Variants in RAPH1 observed in about 807,000 individuals in gnomAD.
The protein encoded by RAPH1 is Ras association (RalGDS/AF-6) and pleckstrin homology domains 1, also known as ras-associated and pleckstrin homology domains-containing protein 1.
RAPH1 carries 18 observed loss-of-function variants against 88.1 expected under a neutral mutation model. That is an observed-to-expected ratio of 0.20 (90% confidence interval 0.14 to 0.30). RAPH1 has a LOEUF of 0.30. Ranked by LOEUF, RAPH1 falls within the 10% of genes least tolerant of loss-of-function variation. The probability of loss-of-function intolerance (pLI) is 1.00; values close to 1 mark genes in which losing one functional copy is unlikely to be tolerated. For synonymous variants in RAPH1, 587 were observed against 559.0 expected (o/e 1.05, Z -0.71); for missense variants, 1,448 against 1,543.2 (o/e 0.94, Z 1.03).
At chr2:203,454,252 G>C (rs1252810528) in intron 10 of RAPH1, among the ~76,000 whole-genome samples, 178 bp downstream of exon 10, 1 of 151,978 alleles carries the variant, frequency 6.6e-6, no homozygotes, top group Non-Finnish European at 1.5e-5. Flanking sequence ...ATTGGCCCAG[G>C]GTCTGCTATG....
rs1263446529 is a variant in RAPH1 at position 203,448,677 on chromosome 2, C to T, written c.1512+61G>A. ...ATAGTCAGAATAGTTGTCATGAAAA[C>T]GAAAACTATATCATCGACAAACACC... On this transcript the variant is annotated intron_variant, in intron 11 of 13. Transcript: ENST00000319170. The surrounding 1 kb of genome is among the most constrained non-coding windows in gnomAD (Gnocchi z 4.1). 8.3e-6 allele frequency: 10 copies of T among 1,207,424 alleles called. No individual in the cohort carries two copies. The highest frequency in any genetic ancestry group is 2.9e-5 in the South Asian group (2 of 67,940). The allele number at this position is 1,207,424 out of a possible 1,614,324, so 74.8% of individuals were successfully genotyped here. A position where few individuals can be genotyped will look rare whatever the true frequency, so the allele number is the denominator to read the frequency against.
intron 4 of RAPH1, among the ~76,000 whole-genome samples, chr2:203,484,208 TAAG>T (rs1687861609): frequency 6.6e-6 from 1 of 152,304 alleles, no homozygotes; most frequent in East Asian, 1.9e-4. Flanking sequence ...TCCTTAAATC[TAAG>T]AAGATTTGAT....
intron 2 of RAPH1, among the ~76,000 whole-genome samples, chr2:203,492,789 T>G (rs1177044819): frequency 7.1e-6 from 1 of 140,604 alleles, no homozygotes; most frequent in Non-Finnish European, 1.6e-5. Context: ...TTTTTTTTTT[T>G]GAGACAAGGT....
intron 3 of RAPH1, among the ~76,000 whole-genome samples, 177 bp from the exon 4 acceptor site, chr2:203,490,266 CTCTTT>C (rs1199742015): frequency 6.6e-6 from 1 of 152,134 alleles, no homozygotes; most frequent in Non-Finnish European, 1.5e-5. Flanking sequence ...CACAGTCCTC[CTCTTT>C]TAAGGCTTGT....
In RAPH1 at chr2:203,441,104, A is replaced by G. The variant is rs2098503430; in HGVS notation, c.2086T>C (p.Ser696Pro). The G allele has an allele frequency of 6.2e-7, 1 of 1,606,550 alleles. No individual in the cohort carries two copies. Among genetic ancestry groups the G allele is most frequent in the South Asian group, 1.1e-5 (1 of 90,670 alleles). ...GGTACCAGGATCTGAGGCTTCACTGACTGTGACTGCATCACTGGGGGTGTT... is the reference window on the plus strand; with the variant it reads ...GGTACCAGGATCTGAGGCTTCACTGGCTGTGACTGCATCACTGGGGGTGTT... ...PPTPPVMQSQ[S>P]VKPQILVPPN... Residue 696 changes from serine (S) to proline (P), a missense_variant, in exon 14 of 14, where the codon TCA becomes CCA. Transcript: ENST00000319170.
chr2:203,507,057 C>A (rs376030311), intron 1 of RAPH1, among the ~76,000 whole-genome samples: 1 of 150,056 alleles, frequency 6.7e-6, no homozygotes, highest in Non-Finnish European at 1.5e-5. Flanking sequence ...CCACCACACC[C>A]GGCTAATTTT....
intron 1 of RAPH1, among the ~76,000 whole-genome samples, chr2:203,519,633 G>C (rs1235262811): frequency 1.3e-5 from 2 of 151,588 alleles, no homozygotes; most frequent in African/African-American, 4.9e-5. Context: ...ATATCATACT[G>C]GAAATAACAA....
intron 4 of RAPH1, among the ~76,000 whole-genome samples, chr2:203,471,053 T>C (rs1230115027): frequency 1.3e-5 from 2 of 152,216 alleles, no homozygotes; most frequent in African/African-American, 4.8e-5. Flanking sequence ...CCCTTAACTT[T>C]TCAGTAACAT....
intron 1 of RAPH1, among the ~76,000 whole-genome samples, chr2:203,534,505 T>TCCCCCCCCCCC (rs1486665508): frequency 8.1e-4 from 6 of 7,412 alleles, no homozygotes; most frequent in Non-Finnish European, 1.5e-3. Context: ...CCTCCCTCCG[T>TCCCCCCCCCCC]CCACCCCCCC....
chr2:203,489,096 A>T (rs558113927), intron 4 of RAPH1, among the ~76,000 whole-genome samples: 84 of 152,008 alleles, frequency 5.5e-4, no homozygotes, highest in Non-Finnish European at 7.2e-4. Context: ...ACTGCACTCC[A>T]GCCTGGGCAT....
At chr2:203,494,086 G>A (rs1206122977) in intron 2 of RAPH1, among the ~76,000 whole-genome samples, 1 of 145,712 alleles carries the variant, frequency 6.9e-6, no homozygotes, top group East Asian at 2.1e-4. Context: ...GATCTAGCAA[G>A]AATTACACGA....
At chr2:203,530,143 G>A (rs1401502279) in intron 1 of RAPH1, among the ~76,000 whole-genome samples, 3 of 152,108 alleles carry the variant, frequency 2.0e-5, no homozygotes, top group Non-Finnish European at 2.9e-5. Flanking sequence ...TAAGACATCT[G>A]CCTTAAAGCA....
intron 4 of RAPH1, among the ~76,000 whole-genome samples, chr2:203,474,376 A>G (rs190314850): frequency 5.9e-5 from 9 of 152,214 alleles, no homozygotes; most frequent in African/African-American, 2.2e-4. Flanking sequence ...ACATTCCACA[A>G]TTGTTAAATG....
intron 4 of RAPH1, among the ~76,000 whole-genome samples, chr2:203,466,365 A>G (rs1221941727): frequency 6.6e-6 from 1 of 152,214 alleles, no homozygotes; most frequent in African/African-American, 2.4e-5. Flanking sequence ...AATGTATTTA[A>G]GCAATCACCA....
intron 2 of RAPH1, among the ~76,000 whole-genome samples, chr2:203,493,978 AAAAAAAAAAAAAAAAAAAAAGAAAAAAG>A (rs1297279487): frequency 6.8e-6 from 1 of 147,838 alleles, no homozygotes; most frequent in Non-Finnish European, 1.5e-5. Flanking sequence ...TCTCAAAAAA[AAAAAAAAAAAAAAAAAAAAAGAAAAAAG>A]AAAAAAAAAA....
In RAPH1 at chr2:203,459,904, T is replaced by C. The variant is rs2098522992; in HGVS notation, c.1092+3A>G. 3.7e-6 allele frequency: 6 copies of C among 1,611,986 alleles called. No homozygotes were observed. The African/African-American group carries it at 5.3e-5, about 14-fold the overall frequency. On this transcript the variant is annotated splice_donor_region_variant and intron_variant, in intron 7 of 13. Coordinates refer to ENST00000319170, the MANE Select transcript of RAPH1 (RefSeq NM_213589.3). Reference sequence around the variant, plus strand: ...CTGACCTCTGTAAGTTGTTTGGTCTTACCTGTGGGTTTTTGAAAAGTGCAT... The same window carrying C: ...CTGACCTCTGTAAGTTGTTTGGTCTCACCTGTGGGTTTTTGAAAAGTGCAT...
intron 13 of RAPH1, chr2:203,443,384 G>C (rs1282339992): frequency 6.6e-6 from 1 of 152,108 alleles, no homozygotes; most frequent in African/African-American, 2.4e-5. Context: ...ACTACAGCCA[G>C]GACACATCCT....
chr2:203,494,049 G>GTCACAAAGAT (rs1445551965), intron 2 of RAPH1, among the ~76,000 whole-genome samples: 1 of 149,230 alleles, frequency 6.7e-6, no homozygotes, highest in Non-Finnish European at 1.5e-5. Context: ...ACAGATTATG[G>GTCACAAAGAT]TCACAAAGAT....
In RAPH1 at chr2:203,462,686, T is replaced by C. The variant is rs2098525085; in HGVS notation, c.733-761A>G. 2.6e-5 allele frequency among the ~76,000 whole-genome samples: 4 copies of C among 152,164 alleles called. No individual in the cohort carries two copies. The South Asian group carries it at 8.3e-4, about 31-fold the overall frequency. The stretch of plus-strand genomic sequence containing the variant: ...AGAAAACTTAGATTAAAAAGAGTAA[T>C]AAAAATTATAACTAAAAATATACTT... On this transcript the variant is annotated intron_variant, in intron 4 of 13. Coordinates refer to ENST00000319170, the MANE Select transcript of RAPH1 (RefSeq NM_213589.3).
Sources: gnomAD v4.1 joint callset for allele counts (sites outside exome capture counted in the v4.1 genomes callset) on GRCh38, gnomAD v4.1.1 for gene constraint, Gnocchi (gnomAD v3.1) non-coding constraint, MANE v1.5 for transcripts, NCBI Gene and HGNC (gene_info 2026-07-23, HGNC 2026-07-21) for gene names.